Variants in ZBTB20 observed in about 807,000 individuals in gnomAD.
ZBTB20 encodes zinc finger and BTB domain-containing protein 20.
In ZBTB20, 9 loss-of-function variants were observed where a neutral mutation model predicts 56.9. That is an observed-to-expected ratio of 0.16 (90% CI 0.10 to 0.28). The LOEUF (loss-of-function observed/expected upper bound fraction) is 0.28, where lower values mean the gene tolerates loss of function less well. Ranked by LOEUF, ZBTB20 falls within the 10% of genes least tolerant of loss-of-function variation. ZBTB20 has a pLI of 1.00. For synonymous variants in ZBTB20, 417 were observed against 420.7 expected (o/e 0.99, Z 0.11); for missense variants, 655 against 1,003.0 (o/e 0.65, Z 4.69).
At chr3:114,833,248 C>T (rs1010855527) in intron 4 of ZBTB20, among the ~76,000 whole-genome samples, 1 of 152,092 alleles carries the variant, frequency 6.6e-6, no homozygotes, top group Non-Finnish European at 1.5e-5. Context: ...GCTATACCAG[C>T]GTTGTTTTGG....
At chr3:114,663,927 C>A (rs2060899029) in intron 6 of ZBTB20, among the ~76,000 whole-genome samples, 1 of 151,786 alleles carries the variant, frequency 6.6e-6, no homozygotes, top group African/African-American at 2.4e-5. Context: ...TAGACTCCCA[C>A]ACATTAATAA....
At chr3:114,893,881 C>T (rs891668498) in intron 4 of ZBTB20, among the ~76,000 whole-genome samples, 3 of 152,134 alleles carry the variant, frequency 2.0e-5, no homozygotes, top group Non-Finnish European at 4.4e-5. Context: ...TGTCCAAAAG[C>T]TTTATCAGGT....
At chr3:115,082,462 T>C (rs1361688484) in intron 1 of ZBTB20, among the ~76,000 whole-genome samples, 1 of 152,120 alleles carries the variant, frequency 6.6e-6, no homozygotes, top group African/African-American at 2.4e-5. Flanking sequence ...TGTGAAAATA[T>C]TTCTGCTAAC....
chr3:114,954,440 A>G (rs1393618601), intron 3 of ZBTB20, among the ~76,000 whole-genome samples: 1 of 152,174 alleles, frequency 6.6e-6, no homozygotes, highest in African/African-American at 2.4e-5. Context: ...TGAGTCTGAA[A>G]TAAGTTTAAT....
chr3:114,614,476 G>T (rs2057778734), intron 6 of ZBTB20, among the ~76,000 whole-genome samples: 1 of 152,006 alleles, frequency 6.6e-6, no homozygotes, highest in Non-Finnish European at 1.5e-5. Flanking sequence ...TCCTCAACGG[G>T]GTGACATAAG....
chr3:114,879,537 AC>A (rs2076318254), intron 4 of ZBTB20, among the ~76,000 whole-genome samples: 1 of 152,082 alleles, frequency 6.6e-6, no homozygotes, highest in Non-Finnish European at 1.5e-5. Flanking sequence ...AGAGAACCTG[AC>A]CCTGACCTTC....
chr3:114,548,799 G>A (rs753511307), intron 6 of ZBTB20, among the ~76,000 whole-genome samples: 5 of 152,138 alleles, frequency 3.3e-5, no homozygotes, highest in Admixed American at 6.5e-5. Flanking sequence ...GATTACATGC[G>A]TGAGCCACCA....
chr3:114,760,095 A>T (rs2068326645), intron 5 of ZBTB20, among the ~76,000 whole-genome samples: 1 of 152,228 alleles, frequency 6.6e-6, no homozygotes, highest in South Asian at 2.1e-4. Context: ...GTTCATAAAC[A>T]ATTTCCAAAG....
intron 4 of ZBTB20, among the ~76,000 whole-genome samples, chr3:114,831,117 T>G (rs567230280): frequency 2.2e-3 from 280 of 125,698 alleles, no homozygotes; most frequent in African/African-American, 7.7e-3. Context: ...TTTTTTTTAG[T>G]ATCCAGTGCC....
At chr3:115,056,358 A>G (rs186441488) in intron 2 of ZBTB20, among the ~76,000 whole-genome samples, 1 of 152,116 alleles carries the variant, frequency 6.6e-6, no homozygotes, top group Non-Finnish European at 1.5e-5. Flanking sequence ...TGAGAGGTAA[A>G]GAATTCTTGA....
At chr3:114,878,728 C>T (rs986910681) in intron 4 of ZBTB20, among the ~76,000 whole-genome samples, 1 of 152,058 alleles carries the variant, frequency 6.6e-6, no homozygotes, top group Admixed American at 6.6e-5. Flanking sequence ...TTATGTAAAG[C>T]AATCTTGAAG....
chr3:114,931,680 T>G (rs2076366773), intron 3 of ZBTB20, among the ~76,000 whole-genome samples: 1 of 152,084 alleles, frequency 6.6e-6, no homozygotes. Context: ...ATAACAAAGG[T>G]TTTTATTGTT....
At chr3:114,661,815 C>T (rs1008835484) in intron 6 of ZBTB20, among the ~76,000 whole-genome samples, 3 of 152,044 alleles carry the variant, frequency 2.0e-5, no homozygotes, top group Middle Eastern at 3.4e-3. Context: ...TCTACAGAGG[C>T]CAAAATTATT....
At chr3:115,037,791 T>C (rs562899825) in intron 2 of ZBTB20, among the ~76,000 whole-genome samples, 1 of 152,298 alleles carries the variant, frequency 6.6e-6, no homozygotes, top group East Asian at 1.9e-4. Flanking sequence ...TAAGCAGTAA[T>C]TGATAGGTGA....
chr3:114,895,345 A>C (rs1000838301), intron 4 of ZBTB20, among the ~76,000 whole-genome samples: 1 of 152,198 alleles, frequency 6.6e-6, no homozygotes, highest in Non-Finnish European at 1.5e-5. Flanking sequence ...TGGGTTCTTC[A>C]TCCTTTGCAA....
chr3:114,761,876 A>G (rs755409963), intron 5 of ZBTB20, among the ~76,000 whole-genome samples: 9 of 152,122 alleles, frequency 5.9e-5, no homozygotes, highest in Non-Finnish European at 1.0e-4. Flanking sequence ...GATATGCTTA[A>G]TGTGCATAGC....
At chr3:114,869,513 A>G (rs6795818) in intron 4 of ZBTB20, among the ~76,000 whole-genome samples, 38 of 152,288 alleles carry the variant, frequency 2.5e-4, no homozygotes, top group African/African-American at 9.1e-4. Context: ...TAGTAATACT[A>G]GATTAAGTAC....
intron 4 of ZBTB20, among the ~76,000 whole-genome samples, chr3:114,805,565 T>A (rs2072040248): frequency 6.6e-6 from 1 of 151,854 alleles, no homozygotes; most frequent in Admixed American, 6.6e-5. Context: ...TAGGAGAATG[T>A]CTGCCAGGTT....
intron 6 of ZBTB20, among the ~76,000 whole-genome samples, chr3:114,560,589 C>T (rs768563717): frequency 1.4e-4 from 21 of 152,118 alleles, no homozygotes; most frequent in Non-Finnish European, 3.1e-4. Flanking sequence ...CTGTCTCCCT[C>T]TGTGGTAGTG....
Sources: allele counts gnomAD v4.1 joint callset (sites outside exome capture counted in the v4.1 genomes callset), GRCh38; gene constraint gnomAD v4.1.1; transcripts MANE v1.5; gene names NCBI Gene and HGNC (gene_info 2026-07-23, HGNC 2026-07-21).